The following MYLK variants were observed in gnomAD, a reference collection of about 807,000 sequenced individuals.
The protein encoded by MYLK is myosin light chain kinase, smooth muscle.
Under a neutral mutation model 203.4 loss-of-function variants are expected in MYLK, and 106 were observed. The observed-to-expected ratio is 0.52, with a 90% CI of 0.45 to 0.61. The LOEUF (loss-of-function observed/expected upper bound fraction) is 0.61. MYLK is among the 20% of genes least tolerant of loss of function. The pLI is 0.00. For missense variants in MYLK, 2,072 were observed against 2,442.3 expected (o/e 0.85, Z 3.20); for synonymous variants, 867 against 959.5 (o/e 0.90, Z 1.78).
At chr3:123,649,325 C>A in intron 24 of MYLK, 131 bp from the exon 25 acceptor site, 2 of 1,185,792 alleles carry the variant, frequency 1.7e-6, no homozygotes, top group South Asian at 1.3e-5. Flanking sequence ...GTCCAGAGCT[C>A]TGGGCATCCC....
chr3:123,818,020 G>T (rs1046772263), intron 3 of MYLK, among the ~76,000 whole-genome samples: 3 of 152,144 alleles, frequency 2.0e-5, no homozygotes, highest in East Asian at 3.8e-4. Flanking sequence ...TAGCAGAGGG[G>T]TTTATTGTGG....
chr3:123,617,201 A>T (rs2057549368), intron 33 of MYLK: 1 of 152,244 alleles, frequency 6.6e-6, no homozygotes, highest in Non-Finnish European at 1.5e-5. Context: ...CAAAAGTTAC[A>T]TAAATATCAA....
intron 2 of MYLK, among the ~76,000 whole-genome samples, chr3:123,833,733 T>A (rs555680474): frequency 1.3e-5 from 2 of 152,132 alleles, no homozygotes; most frequent in African/African-American, 4.8e-5. Flanking sequence ...TAAAAGCTGA[T>A]AATATGGGTG....
At chr3:123,836,563 T>G (rs185812233) in intron 2 of MYLK, among the ~76,000 whole-genome samples, 1 of 152,284 alleles carries the variant, frequency 6.6e-6, no homozygotes, top group South Asian at 2.1e-4. Flanking sequence ...GGCATGGGTA[T>G]CTTTCCTGCA....
At chr3:123,869,766 G>A (rs951916840) in intron 2 of MYLK, among the ~76,000 whole-genome samples, 1 of 152,130 alleles carries the variant, frequency 6.6e-6, no homozygotes, top group African/African-American at 2.4e-5. Context: ...GTGAACTGAA[G>A]TTCAGAGTAG....
intron 10 of MYLK, 48 bp from the exon 11 acceptor site, chr3:123,733,150 C>T (rs762373783): frequency 6.3e-7 from 1 of 1,585,616 alleles, no homozygotes; most frequent in Non-Finnish European, 8.6e-7. Flanking sequence ...CTGGAGAGCA[C>T]CCTGTGATTG....
At chr3:123,618,304 A>C (rs559495632) in intron 33 of MYLK, 171 of 338,126 alleles carry the variant, frequency 5.1e-4, no homozygotes, top group African/African-American at 3.5e-3. Context: ...CATGCTTTTC[A>C]GCAGTTTGCA....
rs1171337936 is a variant in MYLK, at chr3:123,612,011, T to TAACA, written c.*2090_*2093dup. 2.6e-5 allele frequency: 4 copies of TAACA among 152,360 alleles called. No homozygotes were observed. The highest frequency in any genetic ancestry group is 4.8e-5 in the African/African-American group (2 of 41,462). The allele number at this position is 152,360 out of a possible 1,614,324, so 9.4% of individuals were successfully genotyped here. A position where few individuals can be genotyped will look rare whatever the true frequency, so the allele number is the denominator to read the frequency against. On this transcript the variant is annotated 3_prime_UTR_variant, in exon 34 of 34. Transcript: ENST00000360304. ...ACCTCCTTATGTGTGACCTGGTTCC[T>TAACA]AACAGGCTACTTACCGGGGGTTGGG...
chr3:123,643,155 C>T (rs1005267290), intron 27 of MYLK, among the ~76,000 whole-genome samples: 2 of 152,198 alleles, frequency 1.3e-5, no homozygotes. Context: ...TCTGCACTTT[C>T]CATGGCCTTA....
chr3:123,733,722 ACCT>A lies in MYLK; in HGVS notation c.1271_1273del (p.Glu424del), dbSNP rs1412271617. The A allele has an allele frequency of 6.2e-7, 1 of 1,613,948 alleles. No homozygotes were observed. The highest frequency in any genetic ancestry group is 8.5e-7 in the Non-Finnish European group (1 of 1,179,990). ...GAACTTGACAGTTTGATTTTCCTTG[ACCT>A]CCTGGCTTTGGGGCTTGCTCTCAAA... On this transcript the variant is annotated inframe_deletion, in exon 10 of 34. Transcript: ENST00000360304.
intron 33 of MYLK, chr3:123,616,389 A>G (rs1168138768): frequency 6.6e-6 from 1 of 152,188 alleles, no homozygotes; most frequent in African/African-American, 2.4e-5. Context: ...GTGTACATAT[A>G]TATGTACAGA....
chr3:123,781,382 G>T (rs1261176409), intron 4 of MYLK, among the ~76,000 whole-genome samples: 2 of 152,200 alleles, frequency 1.3e-5, no homozygotes, highest in Non-Finnish European at 2.9e-5. Context: ...TAGAGGCCTG[G>T]CCTCATCCTT....
At chr3:123,768,674 T>C (rs115387441) in intron 4 of MYLK, among the ~76,000 whole-genome samples, 19 of 152,362 alleles carry the variant, frequency 1.2e-4, no homozygotes, top group Non-Finnish European at 2.1e-4. Flanking sequence ...TAAATGCTGA[T>C]ACAATCAATT....
chr3:123,772,818 CGTGT>C (rs1553844112), intron 4 of MYLK, among the ~76,000 whole-genome samples: 2 of 151,792 alleles, frequency 1.3e-5, no homozygotes, highest in Non-Finnish European at 2.9e-5. Flanking sequence ...ATTTAAAAAA[CGTGT>C]TAATAGGTAA....
At chr3:123,848,349 T>C (rs2030307206) in intron 2 of MYLK, among the ~76,000 whole-genome samples, 1 of 152,062 alleles carries the variant, frequency 6.6e-6, no homozygotes, top group Non-Finnish European at 1.5e-5. Flanking sequence ...TTTCCTTCCT[T>C]CTACTTTTCC....
At chr3:123,876,900 C>T (rs1189714788) in intron 1 of MYLK, among the ~76,000 whole-genome samples, 1 of 152,214 alleles carries the variant, frequency 6.6e-6, no homozygotes, top group South Asian at 2.1e-4. Context: ...AAAATTTTAG[C>T]ATGAGAAAAA....
At position 123,737,437 on chromosome 3, in the gene MYLK, G is replaced by A. The variant is rs55935214; in HGVS notation, c.695C>T (p.Thr232Met). The stretch of plus-strand genomic sequence containing the variant: ...CCCCGACCCGTTCACCACCAGGCAC[G>A]TGTACACTCCCACGTCATCTTGGTT... ...GVNQDDVGVYTCLVVNGSGKA... is the reference protein window; with the variant it reads ...GVNQDDVGVYMCLVVNGSGKA... The change falls in exon 8 of 34, where the codon ACG (threonine) becomes ATG (methionine). Residue 232 changes from threonine (T) to methionine (M), a missense_variant. Around this residue, in one of 3 missense-constraint regions of MYLK, gnomAD observed 683 missense variants for 643.8 expected, o/e 1.06. Coordinates refer to ENST00000360304, the MANE Select transcript of MYLK (RefSeq NM_053025.4). 39 of 1,614,176 alleles carry A rather than the reference G, an allele frequency of 2.4e-5. No individual in the cohort carries two copies. The highest frequency in any genetic ancestry group is 4.0e-5 in the African/African-American group (3 of 75,048).
At chr3:123,774,959 A>C (rs754739278) in intron 4 of MYLK, among the ~76,000 whole-genome samples, 1 of 152,164 alleles carries the variant, frequency 6.6e-6, no homozygotes, top group Non-Finnish European at 1.5e-5. Flanking sequence ...AAGGTTAAGG[A>C]TCTAGTCTCC....
chr3:123,716,436 A>G (rs2061897100), intron 13 of MYLK: 1 of 152,190 alleles, frequency 6.6e-6, no homozygotes, highest in African/African-American at 2.4e-5. Context: ...TTCCTCCCAG[A>G]ACTTAAGAAG....
Sources: allele counts gnomAD v4.1 joint callset (sites outside exome capture counted in the v4.1 genomes callset), GRCh38; gene constraint gnomAD v4.1.1; regional missense constraint gnomAD v4.1.1; transcripts MANE v1.5; gene names NCBI Gene and HGNC (gene_info 2026-07-23, HGNC 2026-07-21).